TSHZ3: variants seen among roughly 807,000 people sequenced by gnomAD.
TSHZ3 encodes the protein teashirt zinc finger homeobox 3, also known as teashirt homolog 3.
Under a neutral mutation model 64.5 loss-of-function variants are expected in TSHZ3, and 10 were observed. The ratio of observed to expected loss-of-function variants is 0.16; its 90% CI spans 0.10 to 0.26. TSHZ3 has a LOEUF of 0.26. TSHZ3 is among the 10% of genes least tolerant of loss of function. The pLI, the probability that TSHZ3 is intolerant of heterozygous loss-of-function variation, is 1.00. For missense variants in TSHZ3, 1,242 were observed against 1,421.7 expected (o/e 0.87, Z 2.03); for synonymous variants, 608 against 593.1 (o/e 1.03, Z -0.36).
intron 1 of TSHZ3, among the ~76,000 whole-genome samples, chr19:31,268,323 G>A (rs1000650688): frequency 2.6e-5 from 4 of 152,132 alleles, no homozygotes; most frequent in African/African-American, 9.7e-5. Flanking sequence ...GTACCCCCAG[G>A]AAACTCTGGG....
At chr19:31,229,684 C>T (rs1877829451) in intron 3 of TSHZ3, among the ~76,000 whole-genome samples, 1 of 152,052 alleles carries the variant, frequency 6.6e-6, no homozygotes, top group Non-Finnish European at 1.5e-5. Context: ...AAATAGGAAA[C>T]TGGAAAAAGA....
At chr19:31,200,725 T>C (rs1016186652) in intron 5 of TSHZ3, among the ~76,000 whole-genome samples, 3 of 152,154 alleles carry the variant, frequency 2.0e-5, no homozygotes, top group Non-Finnish European at 4.4e-5. Context: ...AAATATGGAC[T>C]CTGGGTGGTG....
intron 4 of TSHZ3, among the ~76,000 whole-genome samples, chr19:31,223,725 C>T (rs945656614): frequency 1.1e-4 from 16 of 152,050 alleles, no homozygotes; most frequent in African/African-American, 3.9e-4. Flanking sequence ...AAGAATTTTT[C>T]ATGGAAGATA....
intron 1 of TSHZ3, among the ~76,000 whole-genome samples, chr19:31,307,400 G>A (rs991331317): frequency 2.6e-5 from 4 of 152,222 alleles, no homozygotes; most frequent in South Asian, 4.1e-4. Context: ...AAGATGGAGC[G>A]GAGCTGAGAG....
intron 1 of TSHZ3, among the ~76,000 whole-genome samples, chr19:31,296,154 G>A (rs1005820297): frequency 6.6e-6 from 1 of 151,298 alleles, no homozygotes; most frequent in Non-Finnish European, 1.5e-5. Context: ...ATTGTATGTG[G>A]GCACCCAGTG....
chr19:31,251,548 C>T (rs1158029019), intron 1 of TSHZ3, among the ~76,000 whole-genome samples: 1 of 152,150 alleles, frequency 6.6e-6, no homozygotes, highest in Non-Finnish European at 1.5e-5. Flanking sequence ...TAAAGGATTC[C>T]CTGGGAAGCA....
At chr19:31,307,302 T>C (rs566813699) in intron 1 of TSHZ3, among the ~76,000 whole-genome samples, 1 of 152,012 alleles carries the variant, frequency 6.6e-6, no homozygotes, top group Non-Finnish European at 1.5e-5. Flanking sequence ...TTCCATCTGC[T>C]TAGTGCTCCC....
At chr19:31,286,735 C>T (rs982719146) in intron 1 of TSHZ3, among the ~76,000 whole-genome samples, 2 of 152,152 alleles carry the variant, frequency 1.3e-5, no homozygotes, top group African/African-American at 2.4e-5. Flanking sequence ...TGGGCAGCCA[C>T]GCAGAACCTT....
chr19:31,207,171 G>A (rs544337965), intron 4 of TSHZ3, among the ~76,000 whole-genome samples: 16 of 152,194 alleles, frequency 1.1e-4, no homozygotes, highest in African/African-American at 3.6e-4. Context: ...TTTAATGAAT[G>A]CATTGAAAAA....
chr19:31,246,089 C>G (rs940232085), intron 1 of TSHZ3, among the ~76,000 whole-genome samples: 1 of 152,110 alleles, frequency 6.6e-6, no homozygotes, highest in Non-Finnish European at 1.5e-5. Context: ...TGAAGTGAAT[C>G]GACATGTCAC....
At chr19:31,237,600 C>T (rs2145181162) in intron 3 of TSHZ3, among the ~76,000 whole-genome samples, 1 of 152,104 alleles carries the variant, frequency 6.6e-6, no homozygotes, top group Non-Finnish European at 1.5e-5. Flanking sequence ...GTTTACCATT[C>T]ATTGATGTTT....
chr19:31,305,999 A>T (rs1442445980), intron 1 of TSHZ3, among the ~76,000 whole-genome samples: 1 of 152,220 alleles, frequency 6.6e-6, no homozygotes, highest in Admixed American at 6.5e-5. Flanking sequence ...ATGATCACAG[A>T]TTTGTTTAAA....
chr19:31,175,440 G>GT (rs5827756), intron 5 of TSHZ3, among the ~76,000 whole-genome samples: 20 of 152,030 alleles, frequency 1.3e-4, no homozygotes, highest in African/African-American at 2.9e-4. Context: ...ATTTGTTTGT[G>GT]TTTTTTTTAC....
intron 1 of TSHZ3, among the ~76,000 whole-genome samples, chr19:31,309,510 G>T (rs1029102984): frequency 2.6e-4 from 39 of 152,184 alleles, no homozygotes; most frequent in Admixed American, 3.9e-4. Flanking sequence ...ACACTCATTT[G>T]AGGAAGAACA....
chr19:31,305,409 C>T (rs935157361), intron 1 of TSHZ3: 1 of 151,966 alleles, frequency 6.6e-6, no homozygotes, highest in Non-Finnish European at 1.5e-5. Context: ...TTTGAAGGGA[C>T]AGGAAACCTC....
chr19:31,349,296 G>C lies in TSHZ3; in HGVS notation c.-77C>G. ...AGGACAGGGAGGGAGGGGGCGGCGG[G>C]CCCGCGGGGGGGCGAGGCGGGCCTG... is the stretch of plus-strand genomic sequence containing the variant. On this transcript the variant is annotated 5_prime_UTR_variant, in exon 1 of 2. Transcript: ENST00000240587. 2 of 1,419,822 alleles carry C rather than the reference G, an allele frequency of 1.4e-6. No homozygotes were observed. The allele number at this position is 1,419,822 out of a possible 1,614,324, so 88.0% of individuals were successfully genotyped here.
At chr19:31,212,057 T>A (rs563978123) in intron 4 of TSHZ3, among the ~76,000 whole-genome samples, 4 of 152,218 alleles carry the variant, frequency 2.6e-5, no homozygotes, top group South Asian at 2.1e-4. Flanking sequence ...TCTCTTTTTT[T>A]TTTTCTTTTT....
chr19:31,318,778 C>G (rs1177947609), intron 1 of TSHZ3, among the ~76,000 whole-genome samples: 32 of 152,178 alleles, frequency 2.1e-4, no homozygotes, highest in Admixed American at 2.1e-3. Flanking sequence ...AACTATGGCT[C>G]AGAAACTTCG....
intron 1 of TSHZ3, among the ~76,000 whole-genome samples, chr19:31,254,291 G>C (rs770154660): frequency 1.3e-5 from 2 of 152,186 alleles, no homozygotes; most frequent in Non-Finnish European, 2.9e-5. Context: ...CTGGGTACCA[G>C]AGTGCTGTGC....
Sources: gnomAD v4.1 joint callset for allele counts (sites outside exome capture counted in the v4.1 genomes callset) on GRCh38, gnomAD v4.1.1 for gene constraint, MANE v1.5 for transcripts, NCBI Gene and HGNC (gene_info 2026-07-23, HGNC 2026-07-21) for gene names.